The following CNTN5 variants were observed in gnomAD, a reference collection of about 807,000 sequenced individuals.
CNTN5 encodes the protein contactin-5.
CNTN5 carries 77 observed loss-of-function variants against 129.1 expected under a neutral mutation model. The observed-to-expected ratio is 0.60, with a 90% CI of 0.50 to 0.72. CNTN5 has a LOEUF of 0.72. Among genes scored for constraint, CNTN5 ranks in the 30% least tolerant of loss-of-function variants. CNTN5 has a pLI of 0.00. For missense variants in CNTN5, 1,478 were observed against 1,328.8 expected, an observed-to-expected ratio of 1.11 and a Z score of -1.75; for synonymous variants, 509 against 465.6, an observed-to-expected ratio of 1.09 and a Z score of -1.20.
intron 2 of CNTN5, among the ~76,000 whole-genome samples, chr11:99,478,270 G>C (rs1260522269): frequency 6.6e-6 from 1 of 152,068 alleles, no homozygotes; most frequent in African/African-American, 2.4e-5. Flanking sequence ...TCACTTTCAA[G>C]CTTACTTCCA....
intron 3 of CNTN5, among the ~76,000 whole-genome samples, chr11:99,774,824 T>C (rs576919988): frequency 6.6e-6 from 1 of 152,256 alleles, no homozygotes; most frequent in African/African-American, 2.4e-5. Flanking sequence ...TCTCCAGTTT[T>C]GTTCTTTTCT....
intron 2 of CNTN5, among the ~76,000 whole-genome samples, chr11:99,431,992 G>C (rs933639894): frequency 1.3e-5 from 2 of 152,068 alleles, no homozygotes; most frequent in South Asian, 2.1e-4. Flanking sequence ...GGAGCAGGTG[G>C]GGGGATAGTC....
At chr11:99,550,987 T>C (rs964741203) in intron 2 of CNTN5, among the ~76,000 whole-genome samples, 55 of 152,260 alleles carry the variant, frequency 3.6e-4, no homozygotes, top group African/African-American at 1.3e-3. Flanking sequence ...CTTTATAAGA[T>C]AGTCACTTAA....
chr11:99,825,293 A>G (rs1201733754), intron 4 of CNTN5, among the ~76,000 whole-genome samples: 8 of 151,746 alleles, frequency 5.3e-5, no homozygotes. Context: ...TTTTTTTTGC[A>G]TCATATGCCT....
intron 3 of CNTN5, among the ~76,000 whole-genome samples, chr11:99,728,722 C>T (rs983764797): frequency 1.3e-5 from 2 of 152,028 alleles, no homozygotes; most frequent in Admixed American, 6.5e-5. Flanking sequence ...CCATGAGTCA[C>T]CAAAATTGGA....
intron 2 of CNTN5, among the ~76,000 whole-genome samples, chr11:99,502,447 C>T (rs1263847306): frequency 6.6e-6 from 1 of 152,008 alleles, no homozygotes; most frequent in Non-Finnish European, 1.5e-5. Flanking sequence ...ACGCTGTTCT[C>T]ATAATAGTGA....
intron 2 of CNTN5, among the ~76,000 whole-genome samples, chr11:99,391,722 A>T (rs1157733729): frequency 6.6e-6 from 1 of 152,040 alleles, no homozygotes; most frequent in Non-Finnish European, 1.5e-5. Flanking sequence ...TGTGGAAAGG[A>T]GTCAGTAAGA....
At chr11:99,113,014 T>G (rs1286394270) in intron 1 of CNTN5, among the ~76,000 whole-genome samples, 4 of 152,066 alleles carry the variant, frequency 2.6e-5, no homozygotes, top group African/African-American at 9.7e-5. Flanking sequence ...AATCTAAACT[T>G]TGCCTCAATA....
At chr11:99,617,275 A>G (rs182376856) in intron 3 of CNTN5, among the ~76,000 whole-genome samples, 1 of 152,346 alleles carries the variant, frequency 6.6e-6, no homozygotes, top group African/African-American at 2.4e-5. Flanking sequence ...CTGAAAAACC[A>G]TCCTGGCTGC....
At chr11:99,624,447 C>T (rs902191928) in intron 3 of CNTN5, among the ~76,000 whole-genome samples, 17 of 152,128 alleles carry the variant, frequency 1.1e-4, no homozygotes, top group African/African-American at 3.9e-4. Flanking sequence ...GTTTTTTGAG[C>T]TCACTTCAAA....
intron 9 of CNTN5, among the ~76,000 whole-genome samples, chr11:100,036,470 T>C (rs1319508080): frequency 2.7e-5 from 4 of 150,782 alleles, no homozygotes; most frequent in Admixed American, 1.3e-4. Context: ...TGGTTCCATA[T>C]GAACTTCAAA....
chr11:100,255,787 T>C lies in CNTN5; in HGVS notation c.2033T>C (p.Ile678Thr), dbSNP rs575390992. The C allele has an allele frequency of 1.2e-6, 2 of 1,613,868 alleles. No individual in the cohort carries two copies. The highest frequency in any genetic ancestry group is 2.2e-5 in the East Asian group (1 of 44,856). ...CCCCCAGGCCCACCTGGGATAGTAA[T>C]TGTTGAGGAAATAACCGAAAGTACG... ...RGPPGPPGIV[I>T]VEEITESTAT... The change falls in exon 17 of 25, where the codon ATT becomes ACT. Residue 678 changes from isoleucine to threonine, a missense_variant. Ile to Thr is a moderately conservative substitution (Grantham distance 89). Coordinates refer to ENST00000524871, the MANE Select transcript of CNTN5 (RefSeq NM_014361.4).
At chr11:99,338,959 ATGTGTGTGTTTGTG>A (rs1866381563) in intron 2 of CNTN5, among the ~76,000 whole-genome samples, 1 of 118,110 alleles carries the variant, frequency 8.5e-6, no homozygotes, top group African/African-American at 2.7e-5. Context: ...TGTGATATAT[ATGTGTGTGTTTGTG>A]TGTGTGTGTA....
At chr11:99,324,008 A>C (rs1185461407) in intron 1 of CNTN5, among the ~76,000 whole-genome samples, 1 of 152,184 alleles carries the variant, frequency 6.6e-6, no homozygotes, top group Admixed American at 6.5e-5. Context: ...CTACAATAAT[A>C]TCTATAATTT....
intron 9 of CNTN5, among the ~76,000 whole-genome samples, chr11:100,029,635 A>T (rs2137606279): frequency 6.6e-6 from 1 of 152,298 alleles, no homozygotes; most frequent in South Asian, 2.1e-4. Context: ...AATTCAAGAT[A>T]AATTATACTG....
intron 2 of CNTN5, among the ~76,000 whole-genome samples, chr11:99,419,650 A>G (rs1040739634): frequency 3.9e-5 from 6 of 152,162 alleles, no homozygotes; most frequent in Non-Finnish European, 7.3e-5. Context: ...ATTTTTAAAT[A>G]GTATCTTTTA....
intron 13 of CNTN5, among the ~76,000 whole-genome samples, chr11:100,129,839 T>G (rs200453460): frequency 2.0e-5 from 3 of 150,748 alleles, no homozygotes; most frequent in Admixed American, 6.6e-5. Flanking sequence ...GTGTGTGTGT[T>G]TGTGTGTGTG....
chr11:99,362,311 C>T (rs544253352), intron 2 of CNTN5, among the ~76,000 whole-genome samples: 1 of 152,008 alleles, frequency 6.6e-6, no homozygotes, highest in South Asian at 2.1e-4. Context: ...AAGTCCTTTG[C>T]CCATTCTTTA....
chr11:99,902,229 C>T (rs12278641), intron 6 of CNTN5, among the ~76,000 whole-genome samples: 11,389 of 147,532 alleles, frequency 0.077, 899 homozygotes, highest in African/African-American at 0.21. Flanking sequence ...TTGTACAGCC[C>T]GCAAGCTAAG....
Sources: gnomAD v4.1 joint callset for allele counts (sites outside exome capture counted in the v4.1 genomes callset) on GRCh38, gnomAD v4.1.1 for gene constraint, MANE v1.5 for transcripts, NCBI Gene and HGNC (gene_info 2026-07-23, HGNC 2026-07-21) for gene names.